The following TRPM3 variants were observed in gnomAD, a reference collection of about 807,000 sequenced individuals.
TRPM3 encodes transient receptor potential cation channel subfamily M member 3, also known as long transient receptor potential channel 3.
Under a neutral mutation model 181.2 loss-of-function variants are expected in TRPM3, and 77 were observed. The observed-to-expected ratio is 0.42, with a 90% CI of 0.35 to 0.51. The LOEUF (loss-of-function observed/expected upper bound fraction) is 0.51. TRPM3 is among the 20% of genes least tolerant of loss of function. The pLI, the probability that TRPM3 is intolerant of heterozygous loss-of-function variation, is 0.01. For missense variants in TRPM3, 1,759 were observed against 2,196.7 expected (o/e 0.80, Z 3.98); for synonymous variants, 745 against 796.4 (o/e 0.94, Z 1.09).
intron 5 of TRPM3, among the ~76,000 whole-genome samples, chr9:70,835,840 G>T (rs933746582): frequency 8.5e-5 from 13 of 152,090 alleles, no homozygotes; most frequent in African/African-American, 3.1e-4. Context: ...TACTGCAAAG[G>T]ATAATGGCTA....
At chr9:71,262,880 C>CT (rs80339314) in intron 1 of TRPM3, among the ~76,000 whole-genome samples, 40,851 of 152,106 alleles carry the variant, frequency 0.27, 6,047 homozygotes, top group Middle Eastern at 0.47. Context: ...GAACCGGGTA[C>CT]TTCAGTTGGA....
chr9:71,249,484 T>C (rs528732358), intron 1 of TRPM3, among the ~76,000 whole-genome samples: 1 of 152,302 alleles, frequency 6.6e-6, no homozygotes, highest in East Asian at 1.9e-4. Context: ...TTCAGCAGCA[T>C]AACACTACTG....
chr9:71,382,688 C>CTT lies in TRPM3; in HGVS notation c.183+63963_183+63964dup, dbSNP rs11449039. Among the ~76,000 whole-genome samples, 344 of 146,586 alleles carry CTT rather than the reference C, an allele frequency of 2.3e-3. 7 individuals carry two copies. The East Asian group carries it at 0.025, about 11-fold the overall frequency. On this transcript the variant is annotated intron_variant, in intron 1 of 24. Coordinates refer to the TRPM3 transcript ENST00000357533. The stretch of plus-strand genomic sequence containing the variant: ...AATATAACTTTTATATCTGTATAGT[C>CTT]TTTTTTTTTTTTGCACTTTATCATA...
chr9:71,430,754 T>G (rs924657451), intron 1 of TRPM3, among the ~76,000 whole-genome samples: 1 of 151,920 alleles, frequency 6.6e-6, no homozygotes, highest in African/African-American at 2.4e-5. Flanking sequence ...GAGGTTGCAG[T>G]GAGCCGAGAT....
chr9:70,759,791 C>T (rs918457648), intron 8 of TRPM3, among the ~76,000 whole-genome samples: 1 of 151,930 alleles, frequency 6.6e-6, no homozygotes, highest in Non-Finnish European at 1.5e-5. Flanking sequence ...AGTAAGAACA[C>T]ATGGACACAG....
intron 8 of TRPM3, among the ~76,000 whole-genome samples, chr9:70,687,867 G>A (rs1259985030): frequency 2.6e-5 from 4 of 152,150 alleles, no homozygotes; most frequent in African/African-American, 4.8e-5. Context: ...GCCAGGCACC[G>A]TTTAGGTGCT....
chr9:71,193,523 T>C (rs2078158114), intron 1 of TRPM3, among the ~76,000 whole-genome samples: 1 of 151,852 alleles, frequency 6.6e-6, no homozygotes, highest in African/African-American at 2.4e-5. Flanking sequence ...CCCTATTCAA[T>C]CTAAATGACA....
chr9:71,380,654 C>T (rs1565516345), intron 1 of TRPM3, among the ~76,000 whole-genome samples: 1 of 152,008 alleles, frequency 6.6e-6, no homozygotes, highest in Non-Finnish European at 1.5e-5. Context: ...ATTATTATTT[C>T]ATATTATCTT....
Position 71,026,892 on chromosome 9 carries a change from C to T in TRPM3, c.177+94286G>A, listed in dbSNP as rs907107812. On this transcript the variant is annotated intron_variant, in intron 1 of 25. Coordinates refer to ENST00000677713, the MANE Select transcript of TRPM3 (RefSeq NM_001366145.2). ...GGGGACCCTGGCCCCCCAAGTTGTA[C>T]TGCCACCACAGATGCTGCATGGTGG... is the stretch of plus-strand genomic sequence containing the variant. Among the ~76,000 whole-genome samples the T allele has an allele frequency of 7.9e-5, 12 of 152,218 alleles. 1 individual carries two copies. The highest frequency in any genetic ancestry group is 7.2e-4 in the Admixed American group (11 of 15,288).
At chr9:70,911,098 G>A (rs1190336870) in intron 1 of TRPM3, among the ~76,000 whole-genome samples, 1 of 152,096 alleles carries the variant, frequency 6.6e-6, no homozygotes, top group African/African-American at 2.4e-5. Context: ...CCTTACCAGA[G>A]GACTTTTCAC....
chr9:71,291,046 A>G (rs2085766946), intron 1 of TRPM3, among the ~76,000 whole-genome samples: 1 of 152,204 alleles, frequency 6.6e-6, no homozygotes, highest in Admixed American at 6.5e-5. Flanking sequence ...ATATACTATT[A>G]ACGAAGACAC....
At position 71,084,407 on chromosome 9, in the gene TRPM3, AT is replaced by A. The variant is rs200045089; in HGVS notation, c.177+36770del. On this transcript the variant is annotated intron_variant, in intron 1 of 25. Transcript: ENST00000677713. ...CTACTTCTTGGTTTTAAAAAGATTT[AT>A]TCTGACTTTGGTAAAGTTTCAGGAT... Among the ~76,000 whole-genome samples, 885 of 152,068 alleles carry A rather than the reference AT, an allele frequency of 5.8e-3. 27 individuals are homozygous for A. Among genetic ancestry groups the A allele is most frequent in the Admixed American group, 0.05 (763 of 15,230 alleles).
chr9:71,229,611 T>C (rs568678978), intron 1 of TRPM3, among the ~76,000 whole-genome samples: 18 of 152,090 alleles, frequency 1.2e-4, no homozygotes, highest in African/African-American at 4.3e-4. Flanking sequence ...AGCAACCCTG[T>C]TAAAAATGGA....
intron 1 of TRPM3, among the ~76,000 whole-genome samples, chr9:70,992,151 A>G (rs1465793764): frequency 6.6e-6 from 1 of 152,138 alleles, no homozygotes; most frequent in Admixed American, 6.6e-5. Flanking sequence ...AGCTCCTTGT[A>G]CCACTTGTGC....
At chr9:71,248,327 A>T (rs961010756) in intron 1 of TRPM3, among the ~76,000 whole-genome samples, 1 of 152,196 alleles carries the variant, frequency 6.6e-6, no homozygotes, top group Non-Finnish European at 1.5e-5. Context: ...AGTTGGCTGC[A>T]GGGCCTCTGG....
chr9:70,903,573 G>C (rs2096417400), intron 1 of TRPM3, among the ~76,000 whole-genome samples: 1 of 151,896 alleles, frequency 6.6e-6, no homozygotes, highest in South Asian at 2.1e-4. Context: ...CTTCACAAGA[G>C]AACTGAAAGA....
intron 1 of TRPM3, among the ~76,000 whole-genome samples, chr9:71,031,369 C>T (rs2057281472): frequency 1.3e-5 from 2 of 152,152 alleles, no homozygotes; most frequent in Admixed American, 6.5e-5. Context: ...AATATCGGTT[C>T]TACCTCATAA....
chr9:70,743,504 A>G (rs2074548609), intron 8 of TRPM3, among the ~76,000 whole-genome samples: 1 of 152,176 alleles, frequency 6.6e-6, no homozygotes, highest in Non-Finnish European at 1.5e-5. Flanking sequence ...GCAATCAGTG[A>G]TAGCCATTCC....
At chr9:70,990,140 T>G (rs1186712956) in intron 1 of TRPM3, among the ~76,000 whole-genome samples, 1 of 152,192 alleles carries the variant, frequency 6.6e-6, no homozygotes, top group Non-Finnish European at 1.5e-5. Context: ...AAGCTGTGTA[T>G]TTAATACCTA....
Sources: gnomAD v4.1 joint callset for allele counts (sites outside exome capture counted in the v4.1 genomes callset) on GRCh38, gnomAD v4.1.1 for gene constraint, MANE v1.5 for transcripts, NCBI Gene and HGNC (gene_info 2026-07-23, HGNC 2026-07-21) for gene names.